Variants in ANXA8 observed in about 807,000 individuals in gnomAD.
The protein encoded by ANXA8 is VAC-beta.
In ANXA8, 9 loss-of-function variants were observed where a neutral mutation model predicts 26.8. That is an observed-to-expected ratio of 0.34 (90% CI 0.20 to 0.59). The LOEUF (loss-of-function observed/expected upper bound fraction) is 0.59. ANXA8 is among the 20% of genes least tolerant of loss of function. ANXA8 has a pLI of 0.84. For synonymous variants in ANXA8, 39 were observed against 94.8 expected, an observed-to-expected ratio of 0.41 and a Z score of 3.42; for missense variants, 83 against 238.5, an observed-to-expected ratio of 0.35 and a Z score of 4.29.
At chr10:47,540,902 CA>C in the ANXA8 span, among the ~76,000 whole-genome samples, 6 of 147,818 alleles carry the variant, frequency 4.1e-5, no homozygotes, top group East Asian at 6.2e-4. Flanking sequence ...AGAAGATTAT[CA>C]GGGGGCTAAA....
upstream of ANXA8, among the ~76,000 whole-genome samples, chr10:47,485,524 C>A (rs1400387898): frequency 1.7e-3 from 257 of 152,068 alleles, 2 homozygotes; most frequent in Non-Finnish European, 2.0e-3. Context: ...ACTGTGAGTC[C>A]AATTCTAGAT....
At chr10:47,617,163 C>A in the ANXA8 span, among the ~76,000 whole-genome samples, 1 of 59,662 alleles carries the variant, frequency 1.7e-5, no homozygotes, top group African/African-American at 7.3e-5. Flanking sequence ...AAGGATTCAG[C>A]AAAATGTTAG....
chr10:47,734,167 G>A, the ANXA8 span, among the ~76,000 whole-genome samples: 7 of 140,218 alleles, frequency 5.0e-5, no homozygotes, highest in Non-Finnish European at 1.5e-5. Context: ...ATCTTAGACT[G>A]AGGATGCAGC....
At chr10:47,622,820 T>G in the ANXA8 span, among the ~76,000 whole-genome samples, 2 of 112,074 alleles carry the variant, frequency 1.8e-5, 1 homozygote, top group Non-Finnish European at 3.9e-5. Context: ...TTACTTAGTC[T>G]GACAAAATTA....
chr10:47,486,614 C>T (rs1428833349), upstream of ANXA8, among the ~76,000 whole-genome samples: 1 of 135,210 alleles, frequency 7.4e-6, no homozygotes, highest in Non-Finnish European at 1.6e-5. Context: ...AAATACTTCA[C>T]CTAGGGTGAC....
chr10:47,763,792 G>GT, the ANXA8 span, among the ~76,000 whole-genome samples: 78 of 116,538 alleles, frequency 6.7e-4, no homozygotes, highest in African/African-American at 2.4e-3. Context: ...TGTGTGTGTG[G>GT]GGGGGGGAGG....
the ANXA8 span, among the ~76,000 whole-genome samples, chr10:47,489,218 C>A: frequency 7.3e-6 from 1 of 137,052 alleles, no homozygotes; most frequent in Non-Finnish European, 1.6e-5. Flanking sequence ...CGGGGTTTCA[C>A]CGTGTTAGCC....
At chr10:47,751,150 T>C in the ANXA8 span, 5 of 151,932 alleles carry the variant, frequency 3.3e-5, no homozygotes, top group Non-Finnish European at 7.3e-5. Flanking sequence ...CCCCTGAGAT[T>C]GAGGATGGAC....
chr10:47,771,621 G>A, the ANXA8 span, among the ~76,000 whole-genome samples: 21 of 150,644 alleles, frequency 1.4e-4, no homozygotes, highest in African/African-American at 3.4e-4. Context: ...CTTGTTGCCC[G>A]GGCTGGAGTG....
chr10:47,930,330 C>CT, the ANXA8 span, among the ~76,000 whole-genome samples: 1 of 145,176 alleles, frequency 6.9e-6, no homozygotes, highest in Admixed American at 7.1e-5. Flanking sequence ...GAAACCCCAT[C>CT]TCTCTCTACA....
the ANXA8 span, among the ~76,000 whole-genome samples, chr10:47,681,944 A>C: frequency 7.6e-6 from 1 of 131,958 alleles, no homozygotes; most frequent in Non-Finnish European, 1.6e-5. Context: ...ACATTGGACA[A>C]ATGACATCTG....
chr10:47,559,453 C>T, the ANXA8 span, among the ~76,000 whole-genome samples: 1 of 151,704 alleles, frequency 6.6e-6, no homozygotes, highest in Non-Finnish European at 1.5e-5. Context: ...CTTAATGTGC[C>T]TTAGAATGTA....
chr10:47,502,521 G>A, the ANXA8 span: 1 of 1,613,014 alleles, frequency 6.2e-7, no homozygotes, highest in Non-Finnish European at 8.5e-7. Context: ...CTAGCTCATT[G>A]CCAATAGATG....
At chr10:47,673,326 G>A in the ANXA8 span, among the ~76,000 whole-genome samples, 351 of 151,630 alleles carry the variant, frequency 2.3e-3, 1 homozygote, top group African/African-American at 8.1e-3. Flanking sequence ...GAAAAATCCA[G>A]CAGAGGCTCT....
chr10:47,551,939 C>G, the ANXA8 span: 1 of 967,144 alleles, frequency 1.0e-6, no homozygotes, highest in Non-Finnish European at 1.3e-6. Context: ...TTACCAATAA[C>G]AAGTAACTCT....
chr10:47,755,441 G>A, the ANXA8 span, among the ~76,000 whole-genome samples: 1 of 151,350 alleles, frequency 6.6e-6, no homozygotes, highest in Non-Finnish European at 1.5e-5. Context: ...ATTTTTAGTA[G>A]AGACGTGGTT....
the ANXA8 span, among the ~76,000 whole-genome samples, chr10:47,506,488 G>A: frequency 1.6e-4 from 22 of 138,642 alleles, 1 homozygote; most frequent in East Asian, 1.2e-3. Context: ...GCACCACCAC[G>A]CCCAGCCATT....
At chr10:47,556,368 G>A in the ANXA8 span, among the ~76,000 whole-genome samples, 1 of 151,868 alleles carries the variant, frequency 6.6e-6, no homozygotes, top group Non-Finnish European at 1.5e-5. Context: ...CCCTTTGAAA[G>A]TTTTTAATAA....
the ANXA8 span, among the ~76,000 whole-genome samples, chr10:47,944,769 CG>C: frequency 7.2e-4 from 109 of 150,488 alleles, 10 homozygotes; most frequent in East Asian, 0.02. Flanking sequence ...AACTGTGAGT[CG>C]ATTAAACCTT....
Sources: gnomAD v4.1 joint callset for allele counts (sites outside exome capture counted in the v4.1 genomes callset) on GRCh38, gnomAD v4.1.1 for gene constraint, MANE v1.5 for transcripts, NCBI Gene and HGNC (gene_info 2026-07-23, HGNC 2026-07-21) for gene names.